SPAG16: variants seen among roughly 807,000 people sequenced by gnomAD.
SPAG16 encodes sperm-associated antigen 16 protein.
In SPAG16, 86 loss-of-function variants were observed where a neutral mutation model predicts 80.4. The observed-to-expected ratio is 1.07, with a 90% CI of 0.90 to 1.28. SPAG16 has a LOEUF of 1.28. Ranked by LOEUF, SPAG16 falls within the 50% of genes most tolerant of loss-of-function variation. SPAG16 has a pLI of 0.00. For synonymous variants in SPAG16, 294 were observed against 265.9 expected, an observed-to-expected ratio of 1.11 and a Z score of -1.03; for missense variants, 870 against 765.3, an observed-to-expected ratio of 1.14 and a Z score of -1.61.
intron 9 of SPAG16, among the ~76,000 whole-genome samples, chr2:213,375,989 A>T (rs2125209601): frequency 6.6e-6 from 1 of 150,404 alleles, no homozygotes; most frequent in South Asian, 2.1e-4. Flanking sequence ...ATAAATTTGT[A>T]TAAATATAAA....
At chr2:213,683,385 T>G (rs1166294045) in intron 10 of SPAG16, among the ~76,000 whole-genome samples, 3 of 152,104 alleles carry the variant, frequency 2.0e-5, no homozygotes, top group Non-Finnish European at 4.4e-5. Flanking sequence ...AACCCATCTC[T>G]ACAAAAAATA....
chr2:214,377,934 C>T (rs1246474984), intron 15 of SPAG16, among the ~76,000 whole-genome samples: 3 of 152,148 alleles, frequency 2.0e-5, no homozygotes, highest in African/African-American at 7.2e-5. Context: ...TAAATTATAA[C>T]TCTTGAAAGA....
At chr2:213,392,507 A>T (rs2067805795) in intron 9 of SPAG16, among the ~76,000 whole-genome samples, 1 of 152,142 alleles carries the variant, frequency 6.6e-6, no homozygotes, top group African/African-American at 2.4e-5. Flanking sequence ...GTTGGTAAGA[A>T]ATCTATAACC....
At chr2:214,274,649 A>C (rs2125900650) in intron 15 of SPAG16, among the ~76,000 whole-genome samples, 2 of 152,306 alleles carry the variant, frequency 1.3e-5, no homozygotes, top group East Asian at 3.9e-4. Context: ...GATGAAGCTC[A>C]CTTGATTGTC....
intron 12 of SPAG16, among the ~76,000 whole-genome samples, chr2:214,001,991 G>C (rs1189265456): frequency 6.6e-6 from 1 of 152,178 alleles, no homozygotes; most frequent in Non-Finnish European, 1.5e-5. Context: ...GAATGTGAAA[G>C]GCACAGCTTG....
In SPAG16 at chr2:213,667,225, C is replaced by T. The variant is rs150220280; in HGVS notation, c.1070+177135C>T. Reference sequence around the variant, plus strand: ...CCATGAGAACATATGACATGAACTACATGTTGGTGTTAAATAAAATAATTA... The same window carrying T: ...CCATGAGAACATATGACATGAACTATATGTTGGTGTTAAATAAAATAATTA... On this transcript the variant is annotated intron_variant, in intron 10 of 15. Transcript: ENST00000331683. Among the ~76,000 whole-genome samples, 369 of 152,200 alleles carry T rather than the reference C, an allele frequency of 2.4e-3. 2 individuals are homozygous for T. The highest frequency in any genetic ancestry group is 8.4e-3 in the African/African-American group (349 of 41,548).
At chr2:213,974,299 C>T (rs1419187214) in intron 12 of SPAG16, among the ~76,000 whole-genome samples, 1 of 151,778 alleles carries the variant, frequency 6.6e-6, no homozygotes, top group African/African-American at 2.4e-5. Context: ...ATGCATTGAG[C>T]CTACAAAATG....
chr2:214,286,843 A>T (rs1168002524), intron 15 of SPAG16, among the ~76,000 whole-genome samples: 29 of 152,192 alleles, frequency 1.9e-4, no homozygotes, highest in Non-Finnish European at 1.5e-5. Flanking sequence ...TGATTGACCT[A>T]TGAAATTATT....
chr2:213,507,030 C>G (rs2074995805), intron 10 of SPAG16, among the ~76,000 whole-genome samples: 1 of 152,148 alleles, frequency 6.6e-6, no homozygotes, highest in Non-Finnish European at 1.5e-5. Context: ...GCAAATGCCT[C>G]CCTGTGTTGC....
At chr2:213,441,997 A>T (rs547723047) in intron 9 of SPAG16, among the ~76,000 whole-genome samples, 12 of 152,320 alleles carry the variant, frequency 7.9e-5, no homozygotes, top group East Asian at 3.9e-4. Context: ...AAATATTTTT[A>T]AAAAGTTAGC....
chr2:213,735,903 A>C (rs1021316832), intron 10 of SPAG16, among the ~76,000 whole-genome samples: 5 of 152,228 alleles, frequency 3.3e-5, no homozygotes, highest in Non-Finnish European at 7.3e-5. Context: ...GGGGCATAAA[A>C]TGTAAGTTTA....
At chr2:214,223,871 T>G (rs558810971) in intron 15 of SPAG16, among the ~76,000 whole-genome samples, 1 of 152,270 alleles carries the variant, frequency 6.6e-6, no homozygotes, top group South Asian at 2.1e-4. Flanking sequence ...GAAGAGGGCA[T>G]GTTTCAGTTA....
At chr2:213,521,925 G>A (rs1348522133) in intron 10 of SPAG16, among the ~76,000 whole-genome samples, 2 of 152,218 alleles carry the variant, frequency 1.3e-5, no homozygotes, top group African/African-American at 4.8e-5. Flanking sequence ...CAACATCAAT[G>A]AAGCATAGCA....
intron 15 of SPAG16, among the ~76,000 whole-genome samples, chr2:214,175,392 T>C (rs915814420): frequency 9.3e-5 from 14 of 150,300 alleles, no homozygotes; most frequent in African/African-American, 3.4e-4. Flanking sequence ...TTGATGAATG[T>C]GGTCTTCTGA....
chr2:214,103,528 G>C (rs2053199004), intron 13 of SPAG16, among the ~76,000 whole-genome samples: 1 of 152,188 alleles, frequency 6.6e-6, no homozygotes. Flanking sequence ...AAAAGGTTGT[G>C]TTTGAGTTGA....
At chr2:213,863,985 G>A (rs1418370853) in intron 11 of SPAG16, among the ~76,000 whole-genome samples, 1 of 151,498 alleles carries the variant, frequency 6.6e-6, no homozygotes, top group African/African-American at 2.4e-5. Context: ...AAATATAAGG[G>A]GAGAAAATAA....
In SPAG16 at chr2:213,485,488, A is replaced by G. The variant is rs111445647; in HGVS notation, c.943-4475A>G. On this transcript the variant is annotated intron_variant, in intron 9 of 15. Transcript: ENST00000331683. Reference sequence around the variant, plus strand: ...ATCATTTTATCTCCTCTTTTCCAATAGTTTTATTGCTTCTTTATTTGCTTA... The same window carrying G: ...ATCATTTTATCTCCTCTTTTCCAATGGTTTTATTGCTTCTTTATTTGCTTA... Among the ~76,000 whole-genome samples the G allele has an allele frequency of 8.8e-3, 1,334 of 151,406 alleles. 26 individuals are homozygous for G. Among genetic ancestry groups the G allele is most frequent in the African/African-American group, 0.03 (1,233 of 41,154 alleles).
chr2:214,239,772 A>C (rs148780983), intron 15 of SPAG16: 95 of 152,266 alleles, frequency 6.2e-4, no homozygotes, highest in African/African-American at 2.2e-3. Flanking sequence ...AGAATCCTGG[A>C]GAGGAAAGTT....
intron 5 of SPAG16, among the ~76,000 whole-genome samples, chr2:213,337,606 G>A (rs2064435907): frequency 6.6e-6 from 1 of 152,094 alleles, no homozygotes; most frequent in Non-Finnish European, 1.5e-5. Flanking sequence ...AAGAGACGAA[G>A]CAGAAGAAAG....
Sources: gnomAD v4.1 joint callset for allele counts (sites outside exome capture counted in the v4.1 genomes callset) on GRCh38, gnomAD v4.1.1 for gene constraint, MANE v1.5 for transcripts, NCBI Gene and HGNC (gene_info 2026-07-23, HGNC 2026-07-21) for gene names.